The following SLC1A7 variants were observed in gnomAD, a reference collection of about 807,000 sequenced individuals.
SLC1A7 encodes solute carrier family 1 member 7, also known as excitatory amino acid transporter 5.
Under a neutral mutation model 47.7 loss-of-function variants are expected in SLC1A7, and 40 were observed. That is an observed-to-expected ratio of 0.84 (90% CI 0.65 to 1.09). The LOEUF (loss-of-function observed/expected upper bound fraction) is 1.09, where lower values mean the gene tolerates loss of function less well. Ranked by LOEUF, SLC1A7 falls within the 50% of genes least tolerant of loss-of-function variation. The probability of loss-of-function intolerance (pLI) is 0.00; values close to 1 mark genes in which losing one functional copy is unlikely to be tolerated. For synonymous variants in SLC1A7, 323 were observed against 325.6 expected (o/e 0.99, Z 0.09); for missense variants, 746 against 769.5 (o/e 0.97, Z 0.36).
chr1:53,092,281 CTACTG>C (rs1644430077), intron 7 of SLC1A7, among the ~76,000 whole-genome samples: 1 of 152,268 alleles, frequency 6.6e-6, no homozygotes, highest in Non-Finnish European at 1.5e-5. Context: ...CCCACTGACT[CTACTG>C]TGCTGTCTGC....
chr1:53,132,021 G>A (rs534970849), intron 2 of SLC1A7, among the ~76,000 whole-genome samples: 2 of 152,304 alleles, frequency 1.3e-5, no homozygotes, highest in Admixed American at 6.5e-5. Flanking sequence ...TCCAGAGGAA[G>A]GAACAGCACG....
chr1:53,088,245 G>T lies in SLC1A7; in HGVS notation c.1465-18C>A, dbSNP rs965602205. ...AGCAGTTTCTGGTGAAGGGAAACAG[G>T]TCTTTGTAGCAGCAGGAGGGACCAA... is the stretch of plus-strand genomic sequence containing the variant. On this transcript the variant is annotated intron_variant, in intron 10 of 10. Transcript: ENST00000371494. 2 of 1,580,308 alleles carry T rather than the reference G, an allele frequency of 1.3e-6. No homozygotes were observed. The highest frequency in any genetic ancestry group is 4.6e-5 in the East Asian group (2 of 43,474).
intron 2 of SLC1A7, chr1:53,116,376 A>C (rs1490701137): frequency 6.6e-6 from 1 of 152,292 alleles, no homozygotes; most frequent in African/African-American, 2.4e-5. Flanking sequence ...TCTTTACTGG[A>C]AGCACCTCCA....
At chr1:53,114,226 G>A (rs1403315118) in intron 3 of SLC1A7, among the ~76,000 whole-genome samples, 1 of 152,148 alleles carries the variant, frequency 6.6e-6, no homozygotes, top group Non-Finnish European at 1.5e-5. Flanking sequence ...CCCTGGAGAG[G>A]GAGCCTAGGT....
rs780803869 is a variant in SLC1A7, at chr1:53,114,595, G to T, written c.431+163C>A. 4 of 626,080 alleles carry T rather than the reference G, an allele frequency of 6.4e-6. No individual in the cohort carries two copies. The Admixed American group carries it at 1.1e-4, about 17-fold the overall frequency. The allele number at this position is 626,080 out of a possible 1,614,324, so 38.8% of individuals were successfully genotyped here. Reference sequence around the variant, plus strand: ...GTGCTTCTAGCCTGGTGGGGCAGACGATGCAGCATGAGCCCAGCGGGCAGC... The same window carrying T: ...GTGCTTCTAGCCTGGTGGGGCAGACTATGCAGCATGAGCCCAGCGGGCAGC... On this transcript the variant is annotated intron_variant, in intron 3 of 10. Transcript: ENST00000371494.
intron 5 of SLC1A7, among the ~76,000 whole-genome samples, 175 bp from the exon 6 acceptor site, chr1:53,093,735 A>ATGT (rs1553161635): frequency 1.5e-4 from 6 of 40,086 alleles, no homozygotes; most frequent in Admixed American, 3.8e-4. Context: ...CAGTGCTCTC[A>ATGT]CGTCCTCCTC....
At chr1:53,098,748 T>C (rs1194414501) in intron 5 of SLC1A7, among the ~76,000 whole-genome samples, 1 of 129,892 alleles carries the variant, frequency 7.7e-6, no homozygotes, top group African/African-American at 3.0e-5. Flanking sequence ...TACACTCACA[T>C]TGCCTCAGTA....
In SLC1A7 at chr1:53,136,633, A is replaced by AT. The variant is rs1231449556; in HGVS notation, c.136-2205dup. Among the ~76,000 whole-genome samples the AT allele has an allele frequency of 7.6e-4, 99 of 129,750 alleles. 1 individual carries two copies. The highest frequency in any genetic ancestry group is 2.5e-3 in the African/African-American group (83 of 33,542). The allele number at this position is 129,750 out of a possible 152,430, so 85.1% of individuals were successfully genotyped here. ...TATAATATATATAAACATATATAAT[A>AT]TATAAAAACATATATATATTATATA... On this transcript the variant is annotated intron_variant, in intron 1 of 10. Transcript: ENST00000371494.
intron 1 of SLC1A7, among the ~76,000 whole-genome samples, chr1:53,136,691 A>G (rs1403814010): frequency 7.7e-6 from 1 of 130,694 alleles, no homozygotes; most frequent in African/African-American, 3.0e-5. Flanking sequence ...TTTTGAGACA[A>G]GGTCTCATTC....
intron 2 of SLC1A7, chr1:53,115,318 A>G (rs1470635344): frequency 3.1e-6 from 1 of 325,316 alleles, no homozygotes; most frequent in Non-Finnish European, 5.9e-6. Flanking sequence ...CAAGTTTCCC[A>G]TGCTTGGTGT....
chr1:53,089,779 C>T, intron 9 of SLC1A7, 21 bp downstream of exon 9: 2 of 1,613,002 alleles, frequency 1.2e-6, no homozygotes, highest in Non-Finnish European at 8.5e-7. Flanking sequence ...AGGGCTAGAG[C>T]TAGAGGCAAA....
intron 1 of SLC1A7, among the ~76,000 whole-genome samples, chr1:53,136,527 T>G (rs1644995760): frequency 9.3e-6 from 1 of 107,644 alleles, no homozygotes. Flanking sequence ...AGTCCATATA[T>G]TTATATAAAC....
At chr1:53,126,495 T>A (rs1208805544) in intron 2 of SLC1A7, among the ~76,000 whole-genome samples, 1 of 152,192 alleles carries the variant, frequency 6.6e-6, no homozygotes, top group Non-Finnish European at 1.5e-5. Flanking sequence ...AATAACTAAA[T>A]GTACCCACCA....
intron 5 of SLC1A7, among the ~76,000 whole-genome samples, chr1:53,096,251 A>AC (rs1644489035): frequency 4.5e-5 from 4 of 89,638 alleles, no homozygotes; most frequent in Non-Finnish European, 7.1e-5. Context: ...GGTACACTCA[A>AC]ACCATGCATC....
intron 4 of SLC1A7, 33 bp downstream of exon 4, chr1:53,105,699 T>C: frequency 6.4e-7 from 1 of 1,572,666 alleles, no homozygotes; most frequent in Non-Finnish European, 8.8e-7. Flanking sequence ...TGCTGCCCCT[T>C]CCCTCCCCTC....
intron 3 of SLC1A7, among the ~76,000 whole-genome samples, chr1:53,113,676 G>A (rs1264637254): frequency 6.6e-6 from 1 of 152,020 alleles, no homozygotes; most frequent in East Asian, 1.9e-4. Flanking sequence ...TGGTCAGATT[G>A]AACCTTCTGA....
intron 4 of SLC1A7, among the ~76,000 whole-genome samples, chr1:53,105,188 T>A (rs1231481638): frequency 6.6e-6 from 1 of 152,242 alleles, no homozygotes; most frequent in Non-Finnish European, 1.5e-5. Context: ...GAACTAGAGA[T>A]GATTTTTGTT....
In SLC1A7 at chr1:53,088,066, G is replaced by A. The variant is rs140879455; in HGVS notation, c.1626C>T (p.Pro542=). 1.6e-4 allele frequency: 250 copies of A among 1,605,066 alleles called. No homozygotes were observed. In the East Asian group the frequency reaches 2.2e-3, roughly 14 times the overall value. ...TGGTGCAGTGGTTCAGACTCGCAGCGGGCAGCTCCTCATCCTGCTCCACTT... is the reference window on the plus strand; with the variant it reads ...TGGTGCAGTGGTTCAGACTCGCAGCAGGCAGCTCCTCATCCTGCTCCACTT... ...PVQVEQDEEL[P]AASLNHCTIQ... is the part of the protein sequence containing the mutation. Residue 542 remains proline (P), a synonymous_variant, in exon 11 of 11, where the codon CCC becomes CCT. Transcript: ENST00000371494.
intron 2 of SLC1A7, among the ~76,000 whole-genome samples, chr1:53,122,340 G>A (rs757697356): frequency 6.6e-6 from 1 of 152,190 alleles, no homozygotes; most frequent in Non-Finnish European, 1.5e-5. Context: ...TTGGGCTCTG[G>A]CCTTGGCTGA....
Sources: allele counts gnomAD v4.1 joint callset (sites outside exome capture counted in the v4.1 genomes callset), GRCh38; gene constraint gnomAD v4.1.1; transcripts MANE v1.5; gene names NCBI Gene and HGNC (gene_info 2026-07-23, HGNC 2026-07-21).